Variants in SUSD4 observed in about 807,000 individuals in gnomAD.
SUSD4 encodes the protein sushi domain containing 4.
SUSD4 carries 41 observed loss-of-function variants against 50.5 expected under a neutral mutation model. That is an observed-to-expected ratio of 0.81 (90% confidence interval 0.63 to 1.05). The LOEUF (loss-of-function observed/expected upper bound fraction) is 1.05, where lower values mean the gene tolerates loss of function less well. Among genes scored for constraint, SUSD4 ranks in the 50% least tolerant of loss-of-function variants. The pLI is 0.00. For synonymous variants in SUSD4, 257 were observed against 257.3 expected, an observed-to-expected ratio of 1.00 and a Z score of 0.01; for missense variants, 580 against 634.7, an observed-to-expected ratio of 0.91 and a Z score of 0.93.
chr1:223,234,646 G>T (rs1235651176), intron 5 of SUSD4, among the ~76,000 whole-genome samples: 1 of 152,090 alleles, frequency 6.6e-6, no homozygotes, highest in Non-Finnish European at 1.5e-5. Flanking sequence ...TCATTTTTCA[G>T]TGGGGGAAAA....
chr1:223,320,923 G>GT (rs1419656221), intron 2 of SUSD4, among the ~76,000 whole-genome samples: 1 of 152,160 alleles, frequency 6.6e-6, no homozygotes, highest in South Asian at 2.1e-4. Context: ...TTTCCTTTAA[G>GT]TTTTTTCTAG....
At chr1:223,328,939 C>T (rs957492815) in intron 2 of SUSD4, among the ~76,000 whole-genome samples, 1 of 152,192 alleles carries the variant, frequency 6.6e-6, no homozygotes, top group African/African-American at 2.4e-5. Context: ...CATTCTCCAT[C>T]CACAAGACTT....
chr1:223,285,285 G>C (rs1036906106), intron 3 of SUSD4, among the ~76,000 whole-genome samples: 5 of 152,170 alleles, frequency 3.3e-5, no homozygotes, highest in African/African-American at 9.7e-5. Context: ...GGAACACCAA[G>C]GGAGGCTTTG....
intron 7 of SUSD4, 96 bp from the exon 8 acceptor site, chr1:223,223,727 CA>C: frequency 2.1e-6 from 3 of 1,402,270 alleles, no homozygotes; most frequent in Non-Finnish European, 2.8e-6. Context: ...CCTCAGGACC[CA>C]CGATGGGCAG....
At chr1:223,239,259 CAG>C (rs928096360) in intron 5 of SUSD4, among the ~76,000 whole-genome samples, 4 of 151,978 alleles carry the variant, frequency 2.6e-5, no homozygotes, top group African/African-American at 9.7e-5. Flanking sequence ...TTGTAAAAAA[CAG>C]ATAGTTGAAT....
At chr1:223,347,514 T>G (rs1668099767) in intron 2 of SUSD4, among the ~76,000 whole-genome samples, 1 of 152,128 alleles carries the variant, frequency 6.6e-6, no homozygotes. Flanking sequence ...ATGTCATGAT[T>G]GTAGATGACA....
chr1:223,256,642 G>A (rs1000941706), intron 5 of SUSD4, among the ~76,000 whole-genome samples: 8 of 152,172 alleles, frequency 5.3e-5, no homozygotes, highest in African/African-American at 1.4e-4. Context: ...AGCCAGCCAG[G>A]GACAGGGCAG....
At chr1:223,243,679 A>C (rs1165996418) in intron 5 of SUSD4, among the ~76,000 whole-genome samples, 2 of 152,354 alleles carry the variant, frequency 1.3e-5, no homozygotes, top group South Asian at 4.1e-4. Context: ...CTTTAGGTAC[A>C]TCCAGGCCCC....
At chr1:223,302,442 T>C (rs1665256602) in intron 2 of SUSD4, among the ~76,000 whole-genome samples, 1 of 152,206 alleles carries the variant, frequency 6.6e-6, no homozygotes, top group Non-Finnish European at 1.5e-5. Flanking sequence ...TCAGCACAAC[T>C]GTACTTCAGG....
At chr1:223,249,964 T>C (rs1015247119) in intron 5 of SUSD4, among the ~76,000 whole-genome samples, 12 of 152,078 alleles carry the variant, frequency 7.9e-5, no homozygotes, top group African/African-American at 2.7e-4. Context: ...TAAGAAGACA[T>C]AAGAAAATCA....
chr1:223,302,588 C>A (rs1665264583), intron 2 of SUSD4, among the ~76,000 whole-genome samples: 1 of 152,178 alleles, frequency 6.6e-6, no homozygotes, highest in Non-Finnish European at 1.5e-5. Context: ...CACCCTGAGC[C>A]AAGGTCAGGC....
At chr1:223,252,372 C>T (rs1052055202) in intron 5 of SUSD4, among the ~76,000 whole-genome samples, 5 of 151,802 alleles carry the variant, frequency 3.3e-5, no homozygotes, top group African/African-American at 7.3e-5. Flanking sequence ...GACAAGCCAT[C>T]GAACGCCAAG....
intron 2 of SUSD4, among the ~76,000 whole-genome samples, chr1:223,322,010 A>G (rs1453378286): frequency 6.6e-6 from 1 of 152,144 alleles, no homozygotes; most frequent in Non-Finnish European, 1.5e-5. Flanking sequence ...AAAATCCAAA[A>G]CCCAGAACAC....
At position 223,360,163 on chromosome 1, in the gene SUSD4, T is replaced by C. The variant is rs142163139; in HGVS notation, c.148+3115A>G. 5.3e-3 allele frequency: 2,481 copies of C among 469,638 alleles called. 38 individuals carry two copies. The highest frequency in any genetic ancestry group is 6.0e-3 in the Non-Finnish European group (1,348 of 226,250). The allele number at this position is 469,638 out of a possible 1,614,324, so 29.1% of individuals were successfully genotyped here. A position where few individuals can be genotyped will look rare whatever the true frequency, so the allele number is the denominator to read the frequency against. ...AAAGCTATCAAGTGGCAGAGCCTGA[T>C]TGAGTTATTTATAATACAGAAATGT... On this transcript the variant is annotated intron_variant, in intron 2 of 8. Coordinates refer to ENST00000366878, the MANE Select transcript of SUSD4 (RefSeq NM_017982.4).
intron 2 of SUSD4, among the ~76,000 whole-genome samples, chr1:223,318,747 C>T (rs1345805181): frequency 6.6e-6 from 1 of 151,082 alleles, no homozygotes; most frequent in African/African-American, 2.4e-5. Flanking sequence ...TTTACAGATT[C>T]AATGCCATCC....
chr1:223,224,892 T>TA (rs1659408726), intron 7 of SUSD4, among the ~76,000 whole-genome samples: 2 of 119,078 alleles, frequency 1.7e-5, no homozygotes, highest in African/African-American at 6.3e-5. Flanking sequence ...TTTTTTGAGA[T>TA]AGAGTCTCAC....
At chr1:223,223,697 C>T (rs567361154) in intron 7 of SUSD4, 66 bp from the exon 8 acceptor site, 1 of 1,501,760 alleles carries the variant, frequency 6.7e-7, no homozygotes, top group South Asian at 1.3e-5. Flanking sequence ...GCCACCCATA[C>T]TCCCTCCTGC....
chr1:223,257,790 C>G (rs1297210549), intron 5 of SUSD4, among the ~76,000 whole-genome samples: 1 of 152,190 alleles, frequency 6.6e-6, no homozygotes, highest in Non-Finnish European at 1.5e-5. Context: ...GCGTCTCCCC[C>G]ACATGTCTGG....
At chr1:223,234,372 A>G (rs1157429968) in intron 5 of SUSD4, among the ~76,000 whole-genome samples, 4 of 152,192 alleles carry the variant, frequency 2.6e-5, no homozygotes, top group Non-Finnish European at 4.4e-5. Context: ...GCCTTCCCTG[A>G]GTGCACAGGC....
Sources: gnomAD v4.1 joint callset for allele counts (sites outside exome capture counted in the v4.1 genomes callset) on GRCh38, gnomAD v4.1.1 for gene constraint, MANE v1.5 for transcripts, NCBI Gene and HGNC (gene_info 2026-07-23, HGNC 2026-07-21) for gene names.